The following PPARGC1A variants were observed in gnomAD, a reference collection of about 807,000 sequenced individuals.
PPARGC1A encodes the protein peroxisome proliferator-activated receptor gamma coactivator 1-alpha.
A neutral mutation model predicts 88.7 loss-of-function variants in PPARGC1A; 25 were observed. That is an observed-to-expected ratio of 0.28 (90% CI 0.21 to 0.39). The LOEUF is 0.39. PPARGC1A is among the 10% of genes least tolerant of loss of function. PPARGC1A has a pLI of 1.00. For missense variants in PPARGC1A, 880 were observed against 968.7 expected, an observed-to-expected ratio of 0.91 and a Z score of 1.22; for synonymous variants, 363 against 355.6, an observed-to-expected ratio of 1.02 and a Z score of -0.24.
chr4:24,395,790 T>C, the PPARGC1A span, among the ~76,000 whole-genome samples: 1 of 152,176 alleles, frequency 6.6e-6, no homozygotes, highest in Non-Finnish European at 1.5e-5. Flanking sequence ...CAGTGGAGCT[T>C]GTCCAATGTC....
the PPARGC1A span, among the ~76,000 whole-genome samples, chr4:24,322,621 G>C: frequency 1.3e-5 from 2 of 152,226 alleles, no homozygotes; most frequent in African/African-American, 2.4e-5. Flanking sequence ...GGCTTACATA[G>C]GCTTTGCAAG....
At chr4:24,442,092 G>A in the PPARGC1A span, among the ~76,000 whole-genome samples, 1 of 152,016 alleles carries the variant, frequency 6.6e-6, no homozygotes, top group Admixed American at 6.6e-5. Flanking sequence ...AAATAAATCA[G>A]AATCGTGGAA....
At chr4:23,988,593 A>G in the PPARGC1A span, among the ~76,000 whole-genome samples, 1 of 151,528 alleles carries the variant, frequency 6.6e-6, no homozygotes, top group African/African-American at 2.4e-5. Flanking sequence ...AGTGTACTGA[A>G]GATTAATTAA....
chr4:23,806,009 C>T (rs529461400), intron 10 of PPARGC1A, among the ~76,000 whole-genome samples: 2 of 152,138 alleles, frequency 1.3e-5, no homozygotes, highest in East Asian at 1.9e-4. Context: ...AACCAGAGGA[C>T]CTTTTATAAT....
intron 10 of PPARGC1A, among the ~76,000 whole-genome samples, chr4:23,804,990 G>A (rs1426839835): frequency 6.6e-6 from 1 of 152,126 alleles, no homozygotes. Flanking sequence ...GATAATAAAA[G>A]CTTCATGACA....
the PPARGC1A span, among the ~76,000 whole-genome samples, chr4:24,215,597 C>A: frequency 3.7e-3 from 565 of 151,878 alleles, 1 homozygote; most frequent in Non-Finnish European, 6.4e-3. Flanking sequence ...ATACTTATTA[C>A]GGAAGAAAAT....
At chr4:23,913,038 C>T in the PPARGC1A span, among the ~76,000 whole-genome samples, 2 of 148,734 alleles carry the variant, frequency 1.3e-5, no homozygotes, top group Admixed American at 1.3e-4. Flanking sequence ...ATCTCCTGAC[C>T]TCGTGATCCG....
the PPARGC1A span, among the ~76,000 whole-genome samples, chr4:24,320,708 T>C: frequency 6.6e-6 from 1 of 152,218 alleles, no homozygotes; most frequent in African/African-American, 2.4e-5. Context: ...GAAGCTCTTC[T>C]TGGGTGTGTG....
chr4:24,361,549 T>C, the PPARGC1A span, among the ~76,000 whole-genome samples: 1 of 152,192 alleles, frequency 6.6e-6, no homozygotes, highest in African/African-American at 2.4e-5. Context: ...TTATATATCC[T>C]TGTCTATAGA....
the PPARGC1A span, among the ~76,000 whole-genome samples, chr4:24,240,805 C>G: frequency 6.8e-6 from 1 of 147,906 alleles, no homozygotes; most frequent in South Asian, 2.2e-4. Flanking sequence ...GGGTAAGTAG[C>G]TTTTCAGCAG....
the PPARGC1A span, among the ~76,000 whole-genome samples, chr4:24,387,754 G>A: frequency 4.8e-4 from 31 of 64,270 alleles, no homozygotes; most frequent in African/African-American, 1.9e-3. Context: ...GAAAGAGAGA[G>A]AGAGAGAGAG....
chr4:24,219,136 C>T, the PPARGC1A span, among the ~76,000 whole-genome samples: 1 of 152,150 alleles, frequency 6.6e-6, no homozygotes, highest in Admixed American at 6.6e-5. Flanking sequence ...AAGGTGAGTA[C>T]ACAGGATAAC....
the PPARGC1A span, among the ~76,000 whole-genome samples, chr4:24,163,712 A>G: frequency 1.3e-5 from 2 of 152,228 alleles, no homozygotes; most frequent in African/African-American, 4.8e-5. Context: ...GAAGTCAAAC[A>G]TTAGCCAATC....
At chr4:23,875,057 C>T (rs1008105902) in intron 2 of PPARGC1A, among the ~76,000 whole-genome samples, 2 of 152,160 alleles carry the variant, frequency 1.3e-5, no homozygotes, top group Non-Finnish European at 2.9e-5. Flanking sequence ...CAAACCTTGA[C>T]CAACTTTGCG....
At chr4:24,089,580 G>A in the PPARGC1A span, among the ~76,000 whole-genome samples, 1 of 145,188 alleles carries the variant, frequency 6.9e-6, no homozygotes, top group African/African-American at 2.6e-5. Context: ...GCGCGATCTC[G>A]GCTCACTGCA....
At chr4:24,258,891 G>A in the PPARGC1A span, among the ~76,000 whole-genome samples, 2 of 152,126 alleles carry the variant, frequency 1.3e-5, no homozygotes, top group Non-Finnish European at 2.9e-5. Context: ...TATTTATTGA[G>A]TTCTTACTAT....
chr4:24,444,179 A>G, the PPARGC1A span, among the ~76,000 whole-genome samples: 1 of 152,068 alleles, frequency 6.6e-6, no homozygotes, highest in African/African-American at 2.4e-5. Flanking sequence ...CTACACAGGC[A>G]CACACCACCA....
chr4:23,877,438 T>A (rs1714978372), intron 2 of PPARGC1A, among the ~76,000 whole-genome samples: 1 of 143,358 alleles, frequency 7.0e-6, no homozygotes, highest in African/African-American at 2.6e-5. Flanking sequence ...CTAGGGAGGC[T>A]GAGGCAGGAG....
chr4:23,878,377 C>A (rs955436095), intron 2 of PPARGC1A, among the ~76,000 whole-genome samples: 3 of 149,192 alleles, frequency 2.0e-5, no homozygotes, highest in Non-Finnish European at 3.0e-5. Context: ...CAGCCAATTT[C>A]ATCTCTCCTA....
Sources: gnomAD v4.1 joint callset for allele counts (sites outside exome capture counted in the v4.1 genomes callset) on GRCh38, gnomAD v4.1.1 for gene constraint, MANE v1.5 for transcripts, NCBI Gene and HGNC (gene_info 2026-07-23, HGNC 2026-07-21) for gene names.